Variants in SLC24A3 observed in about 807,000 individuals in gnomAD.
SLC24A3 encodes the protein sodium/potassium/calcium exchanger 3.
Under a neutral mutation model 75.8 loss-of-function variants are expected in SLC24A3, and 28 were observed. The observed-to-expected ratio is 0.37, with a 90% CI of 0.27 to 0.51. SLC24A3 has a LOEUF of 0.51. Among genes scored for constraint, SLC24A3 ranks in the 20% least tolerant of loss-of-function variants. The pLI is 0.94. For missense variants in SLC24A3, 663 were observed against 847.8 expected, an observed-to-expected ratio of 0.78 and a Z score of 2.71; for synonymous variants, 372 against 334.1, an observed-to-expected ratio of 1.11 and a Z score of -1.24.
intron 1 of SLC24A3, among the ~76,000 whole-genome samples, chr20:19,231,188 T>A (rs1600384852): frequency 6.6e-6 from 1 of 152,220 alleles, no homozygotes. Context: ...ATTTTCCCCA[T>A]GCCAAACATC....
chr20:19,543,994 T>C (rs1404754719), intron 3 of SLC24A3, among the ~76,000 whole-genome samples: 2 of 152,204 alleles, frequency 1.3e-5, no homozygotes, highest in African/African-American at 4.8e-5. Context: ...GGAACTCTTC[T>C]TTGTCAGGTG....
At chr20:19,623,766 T>C (rs1291370382) in intron 6 of SLC24A3, among the ~76,000 whole-genome samples, 1 of 152,116 alleles carries the variant, frequency 6.6e-6, no homozygotes, top group Non-Finnish European at 1.5e-5. Context: ...TATCCAGTGG[T>C]GGGTGGAGAA....
intron 2 of SLC24A3, among the ~76,000 whole-genome samples, chr20:19,340,221 G>C (rs1395658940): frequency 1.3e-5 from 2 of 152,298 alleles, no homozygotes; most frequent in African/African-American, 4.8e-5. Context: ...CAGGTGTCCT[G>C]ATAAAAAGGG....
In SLC24A3 at chr20:19,344,352, GCCTTTTACA is replaced by G. The variant is rs137883837; in HGVS notation, c.271+63271_271+63279del. On this transcript the variant is annotated intron_variant, in intron 2 of 16. Transcript: ENST00000328041. ...GTACTTGCGAGCATTCTGAATCCTA[GCCTTTTACA>G]CCTTTAGATAGAGTGAAACCATAAC... 1.4e-3 allele frequency among the ~76,000 whole-genome samples: 217 copies of G among 152,282 alleles called. 6 individuals are homozygous for G. The East Asian group carries it at 0.041, about 29-fold the overall frequency.
intron 3 of SLC24A3, among the ~76,000 whole-genome samples, chr20:19,572,236 C>T (rs1165203318): frequency 6.6e-6 from 1 of 152,182 alleles, no homozygotes; most frequent in Non-Finnish European, 1.5e-5. Flanking sequence ...GCCCTAGCTA[C>T]TCAGGTGGCT....
intron 7 of SLC24A3, among the ~76,000 whole-genome samples, chr20:19,663,989 A>G (rs1400723312): frequency 1.3e-5 from 2 of 152,146 alleles, no homozygotes; most frequent in Non-Finnish European, 2.9e-5. Flanking sequence ...GATCACTCAG[A>G]ATAAGGGCTT....
chr20:19,722,817 GA>G lies in SLC24A3; in HGVS notation c.*1678del, dbSNP rs2033118349. ...CTCTCAGAGCTAAGACACACTTATT[GA>G]TTCTGTTGCACATTTTGCACTGGTT... On this transcript the variant is annotated 3_prime_UTR_variant, in exon 17 of 17. Coordinates refer to ENST00000328041, the MANE Select transcript of SLC24A3 (RefSeq NM_020689.4). 1 of 152,616 alleles carries G rather than the reference GA, an allele frequency of 6.6e-6. No individual in the cohort carries two copies. Among genetic ancestry groups the G allele is most frequent in the Non-Finnish European group, 1.5e-5 (1 of 68,040 alleles). 9.5% of individuals were successfully genotyped at this position (152,616 alleles called of 1,614,324 possible).
chr20:19,699,076 G>A lies in SLC24A3; in HGVS notation c.1719+396G>A, dbSNP rs571790693. Reference sequence around the variant, plus strand: ...ATTTTATATCATTTTTATATGTCATGATATATAACACTTCTTTTGATTTTT... The same window carrying A: ...ATTTTATATCATTTTTATATGTCATAATATATAACACTTCTTTTGATTTTT... On this transcript the variant is annotated intron_variant, in intron 15 of 16. Transcript: ENST00000328041. 6.6e-5 allele frequency among the ~76,000 whole-genome samples: 10 copies of A among 152,318 alleles called. No homozygotes were observed. In the East Asian group the frequency reaches 1.9e-3, roughly 29 times the overall value.
intron 2 of SLC24A3, among the ~76,000 whole-genome samples, chr20:19,447,378 G>T (rs1987404702): frequency 6.6e-6 from 1 of 152,084 alleles, no homozygotes; most frequent in South Asian, 2.1e-4. Flanking sequence ...TGTTTGCTCT[G>T]GAGAATGAGC....
At chr20:19,718,899 C>T (rs761897856) in intron 16 of SLC24A3, among the ~76,000 whole-genome samples, 18 of 152,020 alleles carry the variant, frequency 1.2e-4, no homozygotes, top group Non-Finnish European at 2.2e-4. Flanking sequence ...GAGAGATCTC[C>T]AAGGGAATGA....
At chr20:19,349,217 T>C (rs895213022) in intron 2 of SLC24A3, among the ~76,000 whole-genome samples, 3 of 152,196 alleles carry the variant, frequency 2.0e-5, no homozygotes, top group Admixed American at 6.5e-5. Flanking sequence ...TGACTCCACA[T>C]TGGGAGACTA....
chr20:19,418,998 G>A (rs972828501), intron 2 of SLC24A3, among the ~76,000 whole-genome samples: 1 of 152,204 alleles, frequency 6.6e-6, no homozygotes, highest in Non-Finnish European at 1.5e-5. Flanking sequence ...GCCACCTTTG[G>A]AAGATGCTAG....
intron 1 of SLC24A3, among the ~76,000 whole-genome samples, chr20:19,240,239 G>C (rs1982291153): frequency 6.6e-6 from 1 of 152,208 alleles, no homozygotes; most frequent in Non-Finnish European, 1.5e-5. Context: ...TTATCTAACT[G>C]TGTCTGAAAC....
intron 6 of SLC24A3, among the ~76,000 whole-genome samples, chr20:19,600,193 C>T (rs2031511173): frequency 6.6e-6 from 1 of 152,118 alleles, no homozygotes; most frequent in Non-Finnish European, 1.5e-5. Flanking sequence ...TCCCCTCGGC[C>T]CCAGCTCCAG....
chr20:19,373,348 T>C (rs1310750185), intron 2 of SLC24A3, among the ~76,000 whole-genome samples: 2 of 152,338 alleles, frequency 1.3e-5, no homozygotes, highest in Middle Eastern at 3.4e-3. Context: ...AGGCAGAGCC[T>C]TGGAATGGTC....
At chr20:19,395,398 T>G (rs1315274111) in intron 2 of SLC24A3, among the ~76,000 whole-genome samples, 1 of 152,254 alleles carries the variant, frequency 6.6e-6, no homozygotes, top group African/African-American at 2.4e-5. Context: ...ACATCAGAAC[T>G]GACCAATGTT....
intron 6 of SLC24A3, among the ~76,000 whole-genome samples, chr20:19,619,985 A>G (rs1018218128): frequency 6.6e-6 from 1 of 152,126 alleles, no homozygotes; most frequent in Non-Finnish European, 1.5e-5. Flanking sequence ...AAAATCTCCT[A>G]TGACTCACCA....
chr20:19,221,297 A>T lies in SLC24A3; in HGVS notation c.142+8313A>T, dbSNP rs1981703493. On this transcript the variant is annotated intron_variant, in intron 1 of 16. Coordinates refer to ENST00000328041, the MANE Select transcript of SLC24A3 (RefSeq NM_020689.4). Reference sequence around the variant, plus strand: ...CTTCTTTGGAGGAAGTCTTTACCAGATTCCTCTGGCCTGCTCTGATCTAGA... The same window carrying T: ...CTTCTTTGGAGGAAGTCTTTACCAGTTTCCTCTGGCCTGCTCTGATCTAGA... Among the ~76,000 whole-genome samples, 4 of 152,122 alleles carry T rather than the reference A, an allele frequency of 2.6e-5. No individual in the cohort carries two copies. The South Asian group carries it at 8.3e-4, about 32-fold the overall frequency.
At chr20:19,464,764 C>T (rs529516342) in intron 2 of SLC24A3, among the ~76,000 whole-genome samples, 1 of 152,110 alleles carries the variant, frequency 6.6e-6, no homozygotes, top group South Asian at 2.1e-4. Context: ...GTGAGTATGC[C>T]CATTTTACAG....
Sources: allele counts gnomAD v4.1 joint callset (sites outside exome capture counted in the v4.1 genomes callset), GRCh38; gene constraint gnomAD v4.1.1; transcripts MANE v1.5; gene names NCBI Gene and HGNC (gene_info 2026-07-23, HGNC 2026-07-21).